Variants in PDCD2L observed in about 807,000 individuals in gnomAD.
PDCD2L encodes the protein uS5 assembly chaperone PDCD2L.
In PDCD2L, 44 loss-of-function variants were observed where a neutral mutation model predicts 40.4. That is an observed-to-expected ratio of 1.09 (90% CI 0.86 to 1.40). The LOEUF (loss-of-function observed/expected upper bound fraction) is 1.40. PDCD2L is among the 40% of genes most tolerant of loss of function. The pLI is 0.00. For synonymous variants in PDCD2L, 194 were observed against 174.6 expected (o/e 1.11, Z -0.88); for missense variants, 470 against 453.7 (o/e 1.04, Z -0.33).
At chr19:34,418,952 A>G (rs1568360708) in intron 5 of PDCD2L, among the ~76,000 whole-genome samples, 1 of 152,084 alleles carries the variant, frequency 6.6e-6, no homozygotes, top group Non-Finnish European at 1.5e-5. Context: ...CTCTCACCAT[A>G]TTGTTTGTGT....
At chr19:34,422,139 TA>T (rs1279427938) in intron 6 of PDCD2L, 30 of 149,962 alleles carry the variant, frequency 2.0e-4, no homozygotes, top group African/African-American at 7.1e-4. Flanking sequence ...TTTTTTTTTT[TA>T]ATATTTATTG....
chr19:34,421,198 T>C (rs1337616358), intron 5 of PDCD2L, among the ~76,000 whole-genome samples: 1 of 152,204 alleles, frequency 6.6e-6, no homozygotes, highest in African/African-American at 2.4e-5. Context: ...TGGGGACTTC[T>C]TCTCTAAGGC....
At chr19:34,417,601 T>G (rs2075131706) in intron 5 of PDCD2L, among the ~76,000 whole-genome samples, 1 of 149,004 alleles carries the variant, frequency 6.7e-6, no homozygotes, top group African/African-American at 2.5e-5. Context: ...GAGCAAGGCT[T>G]TGTCTCAAAA....
At chr19:34,423,254 C>T (rs2075160931) in intron 6 of PDCD2L, among the ~76,000 whole-genome samples, 1 of 152,060 alleles carries the variant, frequency 6.6e-6, no homozygotes, top group South Asian at 2.1e-4. Flanking sequence ...GCTATCTCGG[C>T]TCACTGCAAC....
intron 5 of PDCD2L, among the ~76,000 whole-genome samples, 187 bp downstream of exon 5, chr19:34,414,034 G>A (rs1420559177): frequency 6.6e-6 from 1 of 152,112 alleles, no homozygotes; most frequent in African/African-American, 2.4e-5. Context: ...ATTCAGTAAG[G>A]TAAAGTGCAC....
At chr19:34,416,440 A>G (rs1251921212) in intron 5 of PDCD2L, among the ~76,000 whole-genome samples, 1 of 152,178 alleles carries the variant, frequency 6.6e-6, no homozygotes, top group East Asian at 1.9e-4. Context: ...TTTCGCCTCC[A>G]TTCGAGTGGG....
intron 3 of PDCD2L, among the ~76,000 whole-genome samples, chr19:34,406,686 C>A (rs1212874575): frequency 1.3e-5 from 2 of 151,774 alleles, no homozygotes; most frequent in African/African-American, 4.8e-5. Flanking sequence ...CCCCTGTGCC[C>A]AGCCACAATA....
intron 4 of PDCD2L, among the ~76,000 whole-genome samples, chr19:34,412,714 T>A (rs2075109368): frequency 1.4e-5 from 2 of 139,336 alleles, no homozygotes; most frequent in South Asian, 2.4e-4. Context: ...GGAGACTCCC[T>A]CTCAAAAAAA....
chr19:34,411,042 C>G (rs1241521261), intron 4 of PDCD2L, among the ~76,000 whole-genome samples: 1 of 151,898 alleles, frequency 6.6e-6, no homozygotes, highest in Non-Finnish European at 1.5e-5. Flanking sequence ...CTTGGCCTCC[C>G]AAAGTGCCGG....
At chr19:34,406,331 C>G (rs545081584) in intron 3 of PDCD2L, among the ~76,000 whole-genome samples, 89 of 152,176 alleles carry the variant, frequency 5.8e-4, no homozygotes, top group Non-Finnish European at 1.0e-3. Flanking sequence ...AAATACTTAA[C>G]ATCTTGTGAG....
rs2075175062 is a variant in PDCD2L at position 34,425,973 on chromosome 19, T to C, written c.947-17T>C. 8 of 1,607,574 alleles carry C rather than the reference T, an allele frequency of 5.0e-6. No individual in the cohort carries two copies. The Admixed American group carries it at 8.5e-5, about 17-fold the overall frequency. On this transcript the variant is annotated splice_polypyrimidine_tract_variant and intron_variant, in intron 6 of 6. Transcript: ENST00000246535. ...TAACTCTTTTTGCTGGAAGCCTGAA[T>C]ATGTGGTATTTTTCAGGTCTTTCTG... is the stretch of plus-strand genomic sequence containing the variant.
rs764532287 is a variant in PDCD2L, at chr19:34,404,650, A to T, written c.110A>T (p.Asp37Val). 4 of 1,610,480 alleles carry T rather than the reference A, an allele frequency of 2.5e-6. No homozygotes were observed. The highest frequency in any genetic ancestry group is 3.4e-6 in the Non-Finnish European group (4 of 1,179,474). ...WTASKLGGIP[D>V]ALPTVAAPRP... ...TGAGCGCCTCCTCTGTCCCCTCAGG[A>T]TGCTCTGCCCACCGTGGCTGCGCCC... Residue 37 changes from aspartate to valine, a missense_variant and splice_region_variant, in exon 2 of 7, where the codon GAT becomes GTT. Coordinates refer to ENST00000246535, the MANE Select transcript of PDCD2L (RefSeq NM_032346.2).
intron 5 of PDCD2L, among the ~76,000 whole-genome samples, chr19:34,414,880 A>G (rs1270082118): frequency 6.6e-6 from 1 of 152,014 alleles, no homozygotes; most frequent in Middle Eastern, 3.4e-3. Context: ...ATCATTGCTC[A>G]CTGTAACAAC....
At chr19:34,404,600 C>T in intron 1 of PDCD2L, 49 bp from the exon 2 acceptor site, 6 of 1,593,574 alleles carry the variant, frequency 3.8e-6, no homozygotes, top group Non-Finnish European at 5.1e-6. Context: ...AGGGAGTGGG[C>T]GAGGTCCTGG....
chr19:34,413,019 C>T (rs1476174801), intron 4 of PDCD2L, among the ~76,000 whole-genome samples: 2 of 151,832 alleles, frequency 1.3e-5, no homozygotes, highest in East Asian at 1.9e-4. Flanking sequence ...GGATTACAGG[C>T]GTGAGCCCAC....
chr19:34,422,779 A>G (rs1210560742), intron 6 of PDCD2L, among the ~76,000 whole-genome samples: 1 of 151,262 alleles, frequency 6.6e-6, no homozygotes, highest in Non-Finnish European at 1.5e-5. Context: ...GCAGTGGCAT[A>G]ATCTCAGCTC....
At chr19:34,411,576 G>A (rs779248145) in intron 4 of PDCD2L, among the ~76,000 whole-genome samples, 6 of 151,876 alleles carry the variant, frequency 4.0e-5, no homozygotes, top group Non-Finnish European at 7.4e-5. Flanking sequence ...TCAAACTCCT[G>A]GCCTCAGGGG....
At chr19:34,421,330 T>C in intron 5 of PDCD2L, 189 bp from the exon 6 acceptor site, 1 of 672,076 alleles carries the variant, frequency 1.5e-6, no homozygotes, top group South Asian at 1.9e-5. Flanking sequence ...CTTTAGTGCC[T>C]TTGAGACTTT....
intron 6 of PDCD2L, among the ~76,000 whole-genome samples, chr19:34,423,309 AG>A (rs2075161295): frequency 6.6e-6 from 1 of 151,388 alleles, no homozygotes; most frequent in Non-Finnish European, 1.5e-5. Flanking sequence ...CAGCCTCCTG[AG>A]TAGCTGGGAT....
Sources: gnomAD v4.1 joint callset for allele counts (sites outside exome capture counted in the v4.1 genomes callset) on GRCh38, gnomAD v4.1.1 for gene constraint, MANE v1.5 for transcripts, NCBI Gene and HGNC (gene_info 2026-07-23, HGNC 2026-07-21) for gene names.